FGGY: variants seen among roughly 807,000 people sequenced by gnomAD.
The protein encoded by FGGY is FGGY carbohydrate kinase domain-containing protein.
A neutral mutation model predicts 71.3 loss-of-function variants in FGGY; 72 were observed. The observed-to-expected ratio is 1.01, with a 90% CI of 0.84 to 1.23. FGGY has a LOEUF of 1.23. FGGY is among the 50% of genes most tolerant of loss of function. The pLI, the probability that FGGY is intolerant of heterozygous loss-of-function variation, is 0.00. For synonymous variants in FGGY, 251 were observed against 250.3 expected (o/e 1.00, Z -0.02); for missense variants, 668 against 682.3 (o/e 0.98, Z 0.23).
intron 8 of FGGY, among the ~76,000 whole-genome samples, chr1:59,599,112 G>A (rs1050956013): frequency 6.6e-6 from 1 of 152,042 alleles, no homozygotes; most frequent in Non-Finnish European, 1.5e-5. Context: ...TTGTTTGTTT[G>A]TTTGTTTTTG....
intron 14 of FGGY, among the ~76,000 whole-genome samples, chr1:59,737,069 C>T (rs561851063): frequency 6.6e-6 from 1 of 152,382 alleles, no homozygotes; most frequent in Admixed American, 6.5e-5. Context: ...TCTAAAGGCG[C>T]AAGCCTCAAG....
chr1:59,637,255 C>T (rs895084908), intron 10 of FGGY, among the ~76,000 whole-genome samples: 5 of 152,130 alleles, frequency 3.3e-5, no homozygotes, highest in African/African-American at 9.7e-5. Context: ...ATCTTCTCTC[C>T]ACCTCCTCTT....
intron 6 of FGGY, among the ~76,000 whole-genome samples, chr1:59,501,624 A>C (rs2094225639): frequency 2.0e-5 from 3 of 152,228 alleles, no homozygotes; most frequent in Admixed American, 2.0e-4. Context: ...CAAAATAATG[A>C]ATTTTCCTTT....
chr1:59,437,120 C>T (rs1304281240), intron 5 of FGGY, among the ~76,000 whole-genome samples: 2 of 152,222 alleles, frequency 1.3e-5, no homozygotes, highest in East Asian at 3.8e-4. Flanking sequence ...CTGACAGTTT[C>T]TCTTCTTCCT....
chr1:59,428,414 G>T (rs145917478), intron 5 of FGGY, among the ~76,000 whole-genome samples: 1 of 152,206 alleles, frequency 6.6e-6, no homozygotes, highest in Admixed American at 6.5e-5. Context: ...GAACCGAAGC[G>T]CTGAACTGCC....
At chr1:59,576,456 G>C (rs905253375) in intron 8 of FGGY, among the ~76,000 whole-genome samples, 1 of 152,058 alleles carries the variant, frequency 6.6e-6, no homozygotes, top group Non-Finnish European at 1.5e-5. Flanking sequence ...TGCATGCAGG[G>C]CTTAAAGCCT....
intron 14 of FGGY, among the ~76,000 whole-genome samples, chr1:59,686,579 A>T (rs1230498005): frequency 1.3e-5 from 2 of 151,198 alleles, no homozygotes; most frequent in Admixed American, 1.3e-4. Flanking sequence ...ATCCTCTATT[A>T]TTTTTTTTTA....
intron 5 of FGGY, among the ~76,000 whole-genome samples, chr1:59,420,592 T>C (rs1047474092): frequency 1.3e-5 from 2 of 152,124 alleles, no homozygotes; most frequent in Non-Finnish European, 2.9e-5. Context: ...CTCCAGGGCA[T>C]TTGGAGTTCA....
chr1:59,630,813 A>T (rs1474761975), intron 10 of FGGY, among the ~76,000 whole-genome samples: 1 of 152,192 alleles, frequency 6.6e-6, no homozygotes, highest in Non-Finnish European at 1.5e-5. Flanking sequence ...ATGGAGTCAG[A>T]ACTGGATTTA....
intron 5 of FGGY, among the ~76,000 whole-genome samples, chr1:59,386,740 G>C (rs931482535): frequency 3.9e-5 from 6 of 152,004 alleles, no homozygotes; most frequent in Non-Finnish European, 7.4e-5. Flanking sequence ...TATTTACAAG[G>C]CTTCTTATGT....
At chr1:59,312,999 A>G (rs958556174) in intron 1 of FGGY, among the ~76,000 whole-genome samples, 4 of 152,188 alleles carry the variant, frequency 2.6e-5, no homozygotes, top group African/African-American at 9.7e-5. Flanking sequence ...GTCTTTACAA[A>G]TGGGCTCAGT....
chr1:59,600,606 C>T (rs1427151311), intron 8 of FGGY, among the ~76,000 whole-genome samples: 1 of 152,132 alleles, frequency 6.6e-6, no homozygotes, highest in African/African-American at 2.4e-5. Context: ...ACTTTTCCAC[C>T]GTCCCAGAAA....
chr1:59,522,720 A>G (rs541493628), intron 7 of FGGY, among the ~76,000 whole-genome samples: 1 of 152,304 alleles, frequency 6.6e-6, no homozygotes, highest in South Asian at 2.1e-4. Flanking sequence ...ACCTCCCACG[A>G]ATGGTTGGGA....
At chr1:59,526,186 G>A (rs2094973853) in intron 7 of FGGY, among the ~76,000 whole-genome samples, 1 of 152,222 alleles carries the variant, frequency 6.6e-6, no homozygotes, top group South Asian at 2.1e-4. Flanking sequence ...GCATGCATGT[G>A]TTTGCATAGG....
chr1:59,356,813 T>C (rs1300490379), intron 4 of FGGY, among the ~76,000 whole-genome samples: 2 of 152,214 alleles, frequency 1.3e-5, no homozygotes, highest in Non-Finnish European at 2.9e-5. Flanking sequence ...GCTGCAGTCC[T>C]GTTACCGGAG....
intron 5 of FGGY, among the ~76,000 whole-genome samples, chr1:59,443,982 C>G (rs1312151149): frequency 6.6e-6 from 1 of 152,142 alleles, no homozygotes; most frequent in Non-Finnish European, 1.5e-5. Flanking sequence ...AGGCTGAGAT[C>G]AAGCCTCAGG....
chr1:59,513,975 A>G lies in FGGY; in HGVS notation c.799+1536A>G, dbSNP rs1024326718. Among the ~76,000 whole-genome samples, 4 of 152,228 alleles carry G rather than the reference A, an allele frequency of 2.6e-5. No homozygotes were observed. In the South Asian group the frequency reaches 8.3e-4, roughly 31 times the overall value. On this transcript the variant is annotated intron_variant, in intron 7 of 15. Coordinates refer to ENST00000303721, the MANE Select transcript of FGGY (RefSeq NM_018291.5). ...GCCTAAGAATTAGTAAACAACTCAT[A>G]ATATATGTAGGTTGGTTGAATGCTA...
intron 7 of FGGY, among the ~76,000 whole-genome samples, chr1:59,530,481 C>T (rs978098544): frequency 6.6e-6 from 1 of 152,112 alleles, no homozygotes; most frequent in Non-Finnish European, 1.5e-5. Context: ...GCAAGTAAGC[C>T]ATCCGAGTAT....
At chr1:59,587,162 G>A (rs1173741814) in intron 8 of FGGY, among the ~76,000 whole-genome samples, 1 of 152,220 alleles carries the variant, frequency 6.6e-6, no homozygotes, top group East Asian at 1.9e-4. Flanking sequence ...TGGCTTGGAG[G>A]GTCCTGCACC....
Sources: gnomAD v4.1 joint callset for allele counts (sites outside exome capture counted in the v4.1 genomes callset) on GRCh38, gnomAD v4.1.1 for gene constraint, MANE v1.5 for transcripts, NCBI Gene and HGNC (gene_info 2026-07-23, HGNC 2026-07-21) for gene names.